The following COL18A1 variants were observed in gnomAD, a reference collection of about 807,000 sequenced individuals.
COL18A1 encodes collagen type XVIII alpha 1 chain.
In COL18A1, 133 loss-of-function variants were observed where a neutral mutation model predicts 168.0. That is an observed-to-expected ratio of 0.79 (90% confidence interval 0.69 to 0.91). The LOEUF is 0.91. Among genes scored for constraint, COL18A1 ranks in the 40% least tolerant of loss-of-function variants. COL18A1 has a pLI of 0.00. For synonymous variants in COL18A1, 949 were observed against 809.0 expected, an observed-to-expected ratio of 1.17 and a Z score of -2.94; for missense variants, 2,126 against 1,925.4, an observed-to-expected ratio of 1.10 and a Z score of -1.95.
At chr21:45,488,687 T>G (rs1271368230) in intron 18 of COL18A1, among the ~76,000 whole-genome samples, 9 of 152,054 alleles carry the variant, frequency 5.9e-5, no homozygotes, top group Non-Finnish European at 1.3e-4. Context: ...AGCCCAGGAA[T>G]CAAGATTCCT....
chr21:45,495,084 TGGCAGTACCCCACGAGG>T, intron 28 of COL18A1, 169 bp downstream of exon 28: 1 of 691,118 alleles, frequency 1.4e-6, no homozygotes, highest in Non-Finnish European at 2.5e-6. Context: ...TGGATGTGGC[TGGCAGTACCCCACGAGG>T]GGCCAGTACC....
intron 15 of COL18A1, among the ~76,000 whole-genome samples, chr21:45,483,194 C>T (rs2035959892): frequency 6.6e-6 from 1 of 151,594 alleles, no homozygotes; most frequent in Non-Finnish European, 1.5e-5. Flanking sequence ...GGTGGAGAGG[C>T]TGCCCGTGGC....
intron 2 of COL18A1, among the ~76,000 whole-genome samples, chr21:45,447,808 G>A (rs1355416653): frequency 6.6e-6 from 1 of 152,124 alleles, no homozygotes. Context: ...AGCACATTGA[G>A]GTCTTTTGGT....
rs151279145 is a variant in COL18A1 at position 45,454,025 on chromosome 21, G to A, written c.107-14217G>A. 4.3e-4 allele frequency among the ~76,000 whole-genome samples: 66 copies of A among 152,304 alleles called. No individual in the cohort carries two copies. In the East Asian group the frequency reaches 0.011, roughly 25 times the overall value. On this transcript the variant is annotated intron_variant, in intron 2 of 41. Coordinates refer to ENST00000651438, the MANE Select transcript of COL18A1 (RefSeq NM_001379500.1). Reference sequence around the variant, plus strand: ...TGGAATTTCTGTTTGGAGACTTTCCGGAGGCGTGTTCAGACATAAAATCAC... The same window carrying A: ...TGGAATTTCTGTTTGGAGACTTTCCAGAGGCGTGTTCAGACATAAAATCAC...
chr21:45,478,630 G>T (rs1314829418), intron 9 of COL18A1, among the ~76,000 whole-genome samples: 5 of 151,600 alleles, frequency 3.3e-5, no homozygotes, highest in Admixed American at 1.3e-4. Flanking sequence ...GAGGGAAGAC[G>T]CACAGCAAAG....
At chr21:45,454,875 C>A (rs1185516254) in intron 2 of COL18A1, among the ~76,000 whole-genome samples, 2 of 152,192 alleles carry the variant, frequency 1.3e-5, no homozygotes, top group Non-Finnish European at 2.9e-5. Context: ...TGCTGGGTCT[C>A]CTGGGCAGAA....
chr21:45,455,482 C>T, intron 2 of COL18A1: 1 of 1,606,496 alleles, frequency 6.2e-7, no homozygotes, highest in Non-Finnish European at 8.5e-7. Flanking sequence ...GCCCCACCTC[C>T]AGGCACAGAG....
chr21:45,506,454 C>T (rs2037209573), intron 37 of COL18A1: 1 of 271,032 alleles, frequency 3.7e-6, no homozygotes, highest in Non-Finnish European at 7.3e-6. Context: ...ACCAGCCTGG[C>T]TCCTCAGACA....
rs777642469 is a variant in COL18A1, at chr21:45,509,430, C to A, written c.3324C>A (p.His1108Gln). 6 of 1,533,914 alleles carry A rather than the reference C, an allele frequency of 3.9e-6. No individual in the cohort carries two copies. In the East Asian group the frequency reaches 7.3e-5, roughly 19 times the overall value. The change falls in exon 39 of 42, where the codon CAC (histidine) becomes CAA (glutamine). Residue 1108 changes from histidine to glutamine, a missense_variant. Physicochemically the swap from His to Gln is conservative, Grantham distance 24 (BLOSUM62 0). Transcript: ENST00000651438. ...GCAACCCCTACCCGCGGCGGGAGCACCCCCACCCCACCGCGCGGCCCTGGC... is the reference window on the plus strand; with the variant it reads ...GCAACCCCTACCCGCGGCGGGAGCAACCCCACCCCACCGCGCGGCCCTGGC... ...HDSNPYPRRE[H>Q]PHPTARPWRA...
chr21:45,509,423 G>T lies in COL18A1; in HGVS notation c.3317G>T (p.Arg1106Leu). 2.0e-6 allele frequency: 3 copies of T among 1,538,272 alleles called. No homozygotes were observed. The highest frequency in any genetic ancestry group is 2.6e-6 in the Non-Finnish European group (3 of 1,143,232). The change falls in exon 39 of 42, where the codon CGG (arginine) becomes CTG (leucine). Residue 1106 changes from arginine to leucine, a missense_variant. Coordinates refer to ENST00000651438, the MANE Select transcript of COL18A1 (RefSeq NM_001379500.1). ...QLHDSNPYPR[R>L]EHPHPTARPW... Reference sequence around the variant, plus strand: ...CACGACAGCAACCCCTACCCGCGGCGGGAGCACCCCCACCCCACCGCGCGG... The same window carrying T: ...CACGACAGCAACCCCTACCCGCGGCTGGAGCACCCCCACCCCACCGCGCGG...
chr21:45,406,717 G>A (rs1001682047), intron 2 of COL18A1, among the ~76,000 whole-genome samples: 2 of 152,236 alleles, frequency 1.3e-5, no homozygotes, highest in Non-Finnish European at 2.9e-5. Context: ...AAATCGCACA[G>A]GGACAAAGGA....
chr21:45,512,493 A>C lies in COL18A1; in HGVS notation c.*95A>C, dbSNP rs1002803301. ...CGGCCGGCCAGCCCCTGGCCCCAGG[A>C]CCTGGCTGCCATACTTTCCTGTATA... On this transcript the variant is annotated 3_prime_UTR_variant, in exon 42 of 42. Transcript: ENST00000651438. 84 of 1,164,652 alleles carry C rather than the reference A, an allele frequency of 7.2e-5. 1 individual carries two copies. The highest frequency in any genetic ancestry group is 9.6e-5 in the Non-Finnish European group (77 of 799,038). The allele number at this position is 1,164,652 out of a possible 1,614,324, so 72.1% of individuals were successfully genotyped here.
In COL18A1 at chr21:45,512,403, C is replaced by G; in HGVS notation, c.*5C>G. The G allele has an allele frequency of 6.2e-7, 1 of 1,611,874 alleles. No homozygotes were observed. The highest frequency in any genetic ancestry group is 8.5e-7 in the Non-Finnish European group (1 of 1,179,512). On this transcript the variant is annotated 3_prime_UTR_variant, in exon 42 of 42. Coordinates refer to ENST00000651438, the MANE Select transcript of COL18A1 (RefSeq NM_001379500.1). The stretch of plus-strand genomic sequence containing the variant: ...TTCATGACTGCCTCCAAGTAGCCAC[C>G]GCCTGGATGCGGATGGCCGGAGAGG...
At chr21:45,453,143 C>G (rs2034684566) in intron 2 of COL18A1, among the ~76,000 whole-genome samples, 1 of 150,960 alleles carries the variant, frequency 6.6e-6, no homozygotes, top group Admixed American at 6.6e-5. Flanking sequence ...TGCGAGTATT[C>G]ACATGTGACA....
At position 45,405,308 on chromosome 21, in the gene COL18A1, G is replaced by GCGGGGGTCC. The variant is rs1370749163; in HGVS notation, c.12-66_12-65insGTCCCGGGG. On this transcript the variant is annotated intron_variant, in intron 1 of 41. Transcript: ENST00000651438. Reference sequence around the variant, plus strand: ...TGCGGCTGCGGGGGTCGCGGGGGTCGCGGGGCTCGGCCGGGTCCTGCGGGG... The same window carrying GCGGGGGTCC: ...TGCGGCTGCGGGGGTCGCGGGGGTCGCGGGGGTCCCGGGGCTCGGCCGGGTCCTGCGGGG... 2.9e-4 allele frequency: 160 copies of GCGGGGGTCC among 545,018 alleles called. 1 individual carries two copies. The highest frequency in any genetic ancestry group is 1.4e-3 in the Middle Eastern group (2 of 1,474). 33.8% of individuals were successfully genotyped at this position (545,018 alleles called of 1,614,324 possible). A position where few individuals can be genotyped will look rare whatever the true frequency, so the allele number is the denominator to read the frequency against.
chr21:45,453,576 T>C (rs1015598340), intron 2 of COL18A1, among the ~76,000 whole-genome samples: 4 of 152,142 alleles, frequency 2.6e-5, no homozygotes, highest in Non-Finnish European at 4.4e-5. Context: ...AAACGTGCGA[T>C]GCTGTGGAGG....
At chr21:45,475,362 G>A in intron 4 of COL18A1, 114 bp from the exon 5 acceptor site, 1 of 962,718 alleles carries the variant, frequency 1.0e-6, no homozygotes, top group East Asian at 2.6e-5. Context: ...GCTGGACGAG[G>A]CGAGAGGGGG....
intron 2 of COL18A1, among the ~76,000 whole-genome samples, chr21:45,448,893 G>T (rs191143145): frequency 2.0e-5 from 3 of 152,046 alleles, no homozygotes; most frequent in African/African-American, 4.8e-5. Context: ...TCTTCCTAAC[G>T]TGGCAGTCCA....
At position 45,490,848 on chromosome 21, in the gene COL18A1, G is replaced by A; in HGVS notation, c.2044G>A (p.Asp682Asn). Residue 682 changes from aspartate to asparagine, a missense_variant, in exon 21 of 42, where the codon GAC (aspartate) becomes AAC (asparagine). Transcript: ENST00000651438. ...CCTGTCTCTCCAGGGGCCAAAGGGA[G>A]ACAGAGGCAGCCGGGGAGAAAAGGT... Reference protein sequence around the residue: ...GIAGPQGPKGDRGSRGEKGDP... With the variant: ...GIAGPQGPKGNRGSRGEKGDP... 1 of 1,550,212 alleles carries A rather than the reference G, an allele frequency of 6.5e-7. No individual in the cohort carries two copies. Among genetic ancestry groups the A allele is most frequent in the Non-Finnish European group, 8.7e-7 (1 of 1,146,852 alleles).
Sources: allele counts gnomAD v4.1 joint callset (sites outside exome capture counted in the v4.1 genomes callset), GRCh38; gene constraint gnomAD v4.1.1; transcripts MANE v1.5; gene names NCBI Gene and HGNC (gene_info 2026-07-23, HGNC 2026-07-21).